INPP4B: variants seen among roughly 807,000 people sequenced by gnomAD.
INPP4B encodes inositol polyphosphate-4-phosphatase type II B.
Under a neutral mutation model 122.5 loss-of-function variants are expected in INPP4B, and 55 were observed. That is an observed-to-expected ratio of 0.45 (90% CI 0.36 to 0.56). The LOEUF is 0.56. Among genes scored for constraint, INPP4B ranks in the 20% least tolerant of loss-of-function variants. The pLI, the probability that INPP4B is intolerant of heterozygous loss-of-function variation, is 0.00. For missense variants in INPP4B, 1,000 were observed against 1,097.7 expected (o/e 0.91, Z 1.26); for synonymous variants, 403 against 388.7 (o/e 1.04, Z -0.43).
intron 3 of INPP4B, among the ~76,000 whole-genome samples, chr4:142,434,520 C>G (rs1810022312): frequency 6.6e-6 from 1 of 152,118 alleles, no homozygotes; most frequent in African/African-American, 2.4e-5. Context: ...CAGTTTAAAC[C>G]CAGCATTTCC....
chr4:142,845,711 A>T (rs983573544), intron 1 of INPP4B, among the ~76,000 whole-genome samples: 10 of 151,966 alleles, frequency 6.6e-5, no homozygotes, highest in Non-Finnish European at 1.3e-4. Flanking sequence ...TCTATTCCTT[A>T]AGGACTTCTT....
intron 2 of INPP4B, among the ~76,000 whole-genome samples, chr4:142,666,755 A>C (rs1165711739): frequency 6.6e-6 from 1 of 152,178 alleles, no homozygotes; most frequent in Non-Finnish European, 1.5e-5. Flanking sequence ...AAAAGGATGA[A>C]GACAAATGCA....
intron 3 of INPP4B, among the ~76,000 whole-genome samples, chr4:142,452,037 A>G (rs76097774): frequency 6.6e-6 from 1 of 152,074 alleles, no homozygotes; most frequent in African/African-American, 2.4e-5. Flanking sequence ...ATTTCTCCTA[A>G]TGCTATGATT....
At chr4:142,735,100 A>C (rs1377956446) in intron 1 of INPP4B, among the ~76,000 whole-genome samples, 4 of 152,172 alleles carry the variant, frequency 2.6e-5, no homozygotes, top group Non-Finnish European at 5.9e-5. Context: ...TTTCCCTAGA[A>C]CACATTCTGT....
intron 1 of INPP4B, among the ~76,000 whole-genome samples, chr4:142,818,441 C>CCT (rs3219544): frequency 6.7e-6 from 1 of 149,234 alleles, no homozygotes; most frequent in Non-Finnish European, 1.5e-5. Flanking sequence ...GCAATTTAAA[C>CCT]GTGTGTGTGT....
chr4:142,399,852 A>G, intron 7 of INPP4B, among the ~76,000 whole-genome samples: 1 of 151,716 alleles, frequency 6.6e-6, no homozygotes, highest in Non-Finnish European at 1.5e-5. Flanking sequence ...CATATGCCCC[A>G]CCCCTCCCCC....
In INPP4B at chr4:142,029,836, G is replaced by T. The variant is rs1738680219; in HGVS notation, c.2643-922C>A. On this transcript the variant is annotated intron_variant, in intron 25 of 25. Transcript: ENST00000262992. The stretch of plus-strand genomic sequence containing the variant: ...TAGTGGGATGAGGACAGGAGGTTCA[G>T]AACTTCAAGCTTTCAGGATTCTGTT... The T allele has an allele frequency of 1.0e-5, 11 of 1,059,712 alleles. No homozygotes were observed. The South Asian group carries it at 3.9e-4, about 38-fold the overall frequency. 65.6% of individuals were successfully genotyped at this position (1,059,712 alleles called of 1,614,324 possible). A position where few individuals can be genotyped will look rare whatever the true frequency, so the allele number is the denominator to read the frequency against.
At chr4:142,555,548 G>A (rs1376674497) in intron 2 of INPP4B, among the ~76,000 whole-genome samples, 1 of 152,034 alleles carries the variant, frequency 6.6e-6, no homozygotes, top group African/African-American at 2.4e-5. Flanking sequence ...CATAGGGTGA[G>A]GACTTTGAAA....
intron 1 of INPP4B, among the ~76,000 whole-genome samples, chr4:142,786,682 A>G (rs1174974680): frequency 1.3e-5 from 2 of 152,128 alleles, no homozygotes; most frequent in Non-Finnish European, 2.9e-5. Context: ...TGTTGACAAT[A>G]TGTACCCTCA....
intron 7 of INPP4B, among the ~76,000 whole-genome samples, chr4:142,390,580 A>G (rs939347050): frequency 6.6e-5 from 10 of 152,202 alleles, no homozygotes; most frequent in Non-Finnish European, 4.4e-5. Context: ...AAAGAGAGGT[A>G]AATAGGATTA....
chr4:142,618,270 T>G (rs1245539553), intron 2 of INPP4B, among the ~76,000 whole-genome samples: 4 of 151,916 alleles, frequency 2.6e-5, no homozygotes, highest in Admixed American at 1.3e-4. Context: ...AGACCTTGAA[T>G]AGCCAAAACA....
chr4:142,232,734 C>T (rs1437009451), intron 12 of INPP4B, among the ~76,000 whole-genome samples: 3 of 151,990 alleles, frequency 2.0e-5, no homozygotes, highest in African/African-American at 7.2e-5. Context: ...GCCTCTTGTG[C>T]CAAACAGCCA....
intron 7 of INPP4B, among the ~76,000 whole-genome samples, chr4:142,395,902 GA>G (rs1369280714): frequency 2.6e-5 from 4 of 152,052 alleles, no homozygotes; most frequent in African/African-American, 9.7e-5. Flanking sequence ...TGGGGAAAGG[GA>G]AAAATGAGGA....
intron 10 of INPP4B, among the ~76,000 whole-genome samples, chr4:142,269,061 G>C (rs546851480): frequency 6.6e-6 from 1 of 152,062 alleles, no homozygotes; most frequent in Non-Finnish European, 1.5e-5. Flanking sequence ...TAAATTAACA[G>C]CTTATATGTC....
At chr4:142,740,964 G>C (rs957191252) in intron 1 of INPP4B, among the ~76,000 whole-genome samples, 2 of 151,814 alleles carry the variant, frequency 1.3e-5, no homozygotes. Flanking sequence ...TAATAAGTTC[G>C]CAATCCAAAA....
chr4:142,154,705 A>G (rs956941805), intron 17 of INPP4B, among the ~76,000 whole-genome samples: 1 of 152,162 alleles, frequency 6.6e-6, no homozygotes, highest in South Asian at 2.1e-4. Flanking sequence ...GTGCAGAATT[A>G]TATTAAGTTG....
At chr4:142,474,831 T>C (rs1819541308) in intron 2 of INPP4B, among the ~76,000 whole-genome samples, 2 of 152,188 alleles carry the variant, frequency 1.3e-5, no homozygotes, top group South Asian at 4.1e-4. Context: ...CCACACCTGC[T>C]AGAGCTTCCA....
chr4:142,447,517 G>A (rs1417883259), intron 3 of INPP4B, among the ~76,000 whole-genome samples: 3 of 152,176 alleles, frequency 2.0e-5, no homozygotes, highest in Non-Finnish European at 4.4e-5. Context: ...GTAAATAAGT[G>A]GCTGAAATGG....
chr4:142,389,133 C>T (rs1222928328), intron 7 of INPP4B, among the ~76,000 whole-genome samples: 1 of 151,790 alleles, frequency 6.6e-6, no homozygotes, highest in Non-Finnish European at 1.5e-5. Context: ...GCCTATAATC[C>T]CATCTACTTG....
Sources: gnomAD v4.1 joint callset for allele counts (sites outside exome capture counted in the v4.1 genomes callset) on GRCh38, gnomAD v4.1.1 for gene constraint, MANE v1.5 for transcripts, NCBI Gene and HGNC (gene_info 2026-07-23, HGNC 2026-07-21) for gene names.